ANO10: variants seen among roughly 807,000 people sequenced by gnomAD.
ANO10 encodes the protein anoctamin-10.
ANO10 carries 77 observed loss-of-function variants against 74.7 expected under a neutral mutation model. The observed-to-expected ratio is 1.03, with a 90% CI of 0.86 to 1.25. ANO10 has a LOEUF of 1.25. Ranked by LOEUF, ANO10 falls within the 50% of genes most tolerant of loss-of-function variation. ANO10 has a pLI of 0.00. For synonymous variants in ANO10, 279 were observed against 284.9 expected, an observed-to-expected ratio of 0.98 and a Z score of 0.21; for missense variants, 721 against 778.1, an observed-to-expected ratio of 0.93 and a Z score of 0.87.
At chr3:43,630,671 C>T (rs73829503) in intron 1 of ANO10, among the ~76,000 whole-genome samples, 3,865 of 152,332 alleles carry the variant, frequency 0.025, 170 homozygotes, top group African/African-American at 0.087. Flanking sequence ...ACAAGTAACT[C>T]ATTCATTTCC....
intron 12 of ANO10, chr3:43,372,682 T>G (rs2091656683): frequency 3.2e-6 from 2 of 628,538 alleles, no homozygotes. Context: ...ATCTGGTTTA[T>G]TCATTGTTTG....
intron 11 of ANO10, among the ~76,000 whole-genome samples, chr3:43,455,601 C>G (rs1460575141): frequency 6.6e-6 from 1 of 152,138 alleles, no homozygotes; most frequent in East Asian, 1.9e-4. Context: ...TTCCATCTCA[C>G]AGATCCTTTC....
In ANO10 at chr3:43,397,377, A is replaced by G. The variant is rs190055203; in HGVS notation, c.1915-30403T>C. Among the ~76,000 whole-genome samples, 414 of 152,252 alleles carry G rather than the reference A, an allele frequency of 2.7e-3. 1 individual carries two copies. Among genetic ancestry groups the G allele is most frequent in the Non-Finnish European group, 4.3e-3 (292 of 68,004 alleles). On this transcript the variant is annotated intron_variant, in intron 12 of 12. Transcript: ENST00000292246. ...CTGACAAGTATTTCAGCTTTGGGTCAGTTCTAATTGATCATGATTCTCCTC... is the reference window on the plus strand; with the variant it reads ...CTGACAAGTATTTCAGCTTTGGGTCGGTTCTAATTGATCATGATTCTCCTC...
chr3:43,435,327 G>C (rs1008046627), intron 11 of ANO10, among the ~76,000 whole-genome samples: 1 of 152,052 alleles, frequency 6.6e-6, no homozygotes, highest in Admixed American at 6.6e-5. Flanking sequence ...TGGACAACTT[G>C]GGGAAACCCC....
At chr3:43,534,209 A>C (rs570474682) in intron 11 of ANO10, among the ~76,000 whole-genome samples, 1 of 152,386 alleles carries the variant, frequency 6.6e-6, no homozygotes, top group Admixed American at 6.5e-5. Flanking sequence ...TCTAGTTTGC[A>C]CATGCTGTCA....
upstream of ANO10, among the ~76,000 whole-genome samples, chr3:43,624,116 G>T (rs1057225113): frequency 1.3e-5 from 2 of 152,114 alleles, no homozygotes; most frequent in Middle Eastern, 6.3e-3. Context: ...GTTAAGTATA[G>T]CAAATTGTTG....
chr3:43,596,464 C>T (rs2082088942), intron 4 of ANO10, among the ~76,000 whole-genome samples: 1 of 152,070 alleles, frequency 6.6e-6, no homozygotes, highest in Admixed American at 6.6e-5. Context: ...TGCCACACAC[C>T]TACAACCATC....
At chr3:43,571,687 G>A (rs1433908336) in intron 7 of ANO10, among the ~76,000 whole-genome samples, 1 of 151,570 alleles carries the variant, frequency 6.6e-6, no homozygotes, top group Non-Finnish European at 1.5e-5. Context: ...GACTGTTGTG[G>A]GGTGGGGGCA....
chr3:43,575,917 G>A (rs1192250284), intron 6 of ANO10, among the ~76,000 whole-genome samples: 1 of 152,184 alleles, frequency 6.6e-6, no homozygotes, highest in Non-Finnish European at 1.5e-5. Flanking sequence ...GATTCCAGGC[G>A]TGAGCCACTG....
At chr3:43,682,518 C>T (rs1230051498) in intron 1 of ANO10, among the ~76,000 whole-genome samples, 1 of 152,142 alleles carries the variant, frequency 6.6e-6, no homozygotes, top group Admixed American at 6.5e-5. Flanking sequence ...GGAACTGGTA[C>T]CATTCCTTCT....
At position 43,576,951 on chromosome 3, in the gene ANO10, C is replaced by T. The variant is rs2081032920; in HGVS notation, c.903G>A (p.Glu301=). The T allele has an allele frequency of 6.2e-7, 1 of 1,613,936 alleles. No homozygotes were observed. The highest frequency in any genetic ancestry group is 1.3e-5 in the African/African-American group (1 of 74,916). The part of the protein sequence containing the change: ...VLGINSITGK[E]EPLYPSYKRQ... Reference sequence around the variant, plus strand: ...TCTTGTAGCTGGGGTACAGAGGCTCCTCCTTCCCAGTGATGGAATTGATAC... The same window carrying T: ...TCTTGTAGCTGGGGTACAGAGGCTCTTCCTTCCCAGTGATGGAATTGATAC... Residue 301 remains glutamate (E), a synonymous_variant, in exon 6 of 13, where the codon GAG becomes GAA. Coordinates refer to ENST00000292246, the MANE Select transcript of ANO10 (RefSeq NM_018075.5).
intron 11 of ANO10, among the ~76,000 whole-genome samples, chr3:43,547,075 C>T (rs920977272): frequency 5.3e-5 from 8 of 152,058 alleles, no homozygotes; most frequent in East Asian, 3.9e-4. Context: ...TAACTACAGG[C>T]GAACACCAAT....
At chr3:43,500,683 T>C (rs2077068521) in intron 11 of ANO10, among the ~76,000 whole-genome samples, 1 of 152,220 alleles carries the variant, frequency 6.6e-6, no homozygotes, top group South Asian at 2.1e-4. Flanking sequence ...GTCTTGAATG[T>C]AATTGACTGA....
intron 11 of ANO10, among the ~76,000 whole-genome samples, chr3:43,493,432 T>A (rs1441779751): frequency 9.2e-5 from 14 of 152,090 alleles, no homozygotes; most frequent in Admixed American, 9.2e-4. Context: ...AAAAAATTGA[T>A]GCTTCAAACA....
intron 12 of ANO10, among the ~76,000 whole-genome samples, chr3:43,389,440 G>T (rs2092217394): frequency 6.6e-6 from 1 of 152,208 alleles, no homozygotes; most frequent in African/African-American, 2.4e-5. Flanking sequence ...TTCAGTGGGT[G>T]ATTCTGTGTT....
chr3:43,620,770 A>G (rs1047904424), intron 1 of ANO10, among the ~76,000 whole-genome samples: 4 of 152,260 alleles, frequency 2.6e-5, no homozygotes, highest in Admixed American at 6.5e-5. Flanking sequence ...GTCTCAAAAA[A>G]AACAAAAAGA....
At chr3:43,641,400 A>G (rs1194778493) in intron 1 of ANO10, among the ~76,000 whole-genome samples, 2 of 152,200 alleles carry the variant, frequency 1.3e-5, no homozygotes, top group African/African-American at 4.8e-5. Flanking sequence ...AAAGACCAAG[A>G]TCCCAAAAGG....
At chr3:43,465,821 T>C (rs930791743) in intron 11 of ANO10, among the ~76,000 whole-genome samples, 2 of 152,082 alleles carry the variant, frequency 1.3e-5, no homozygotes. Context: ...CTATAAAATA[T>C]TGTTGTGAAA....
intron 11 of ANO10, among the ~76,000 whole-genome samples, chr3:43,488,545 T>C (rs1381396695): frequency 7.9e-5 from 12 of 152,298 alleles, no homozygotes; most frequent in South Asian, 4.1e-4. Context: ...AAGACATTTA[T>C]GCAGCCAAAA....
Sources: allele counts gnomAD v4.1 joint callset (sites outside exome capture counted in the v4.1 genomes callset), GRCh38; gene constraint gnomAD v4.1.1; transcripts MANE v1.5; gene names NCBI Gene and HGNC (gene_info 2026-07-23, HGNC 2026-07-21).